Variants in PKHD1 observed in about 807,000 individuals in gnomAD.
The protein encoded by PKHD1 is fibrocystin.
A neutral mutation model predicts 412.0 loss-of-function variants in PKHD1; 291 were observed. The ratio of observed to expected loss-of-function variants is 0.71; its 90% CI spans 0.64 to 0.78. PKHD1 has a LOEUF of 0.78. PKHD1 is among the 30% of genes least tolerant of loss of function. The pLI is 0.00. For missense variants in PKHD1, 4,825 were observed against 4,950.7 expected (o/e 0.97, Z 0.76); for synonymous variants, 1,777 against 1,821.5 (o/e 0.98, Z 0.62).
intron 60 of PKHD1, among the ~76,000 whole-genome samples, chr6:51,686,542 T>C (rs1364198209): frequency 6.6e-6 from 1 of 152,162 alleles, no homozygotes; most frequent in Non-Finnish European, 1.5e-5. Context: ...AGCATTCTTT[T>C]TGCTTTCTAT....
chr6:51,756,477 A>G (rs1787030289), intron 55 of PKHD1, among the ~76,000 whole-genome samples: 1 of 152,184 alleles, frequency 6.6e-6, no homozygotes, highest in South Asian at 2.1e-4. Flanking sequence ...GAGTATTCCC[A>G]CTTTTCATAA....
At position 52,053,123 on chromosome 6, in the gene PKHD1, C is replaced by T. The variant is rs199858063; in HGVS notation, c.2093G>A (p.Gly698Asp). The stretch of plus-strand genomic sequence containing the variant: ...AATAATTTCATCCACATAGAACAGG[C>T]CCGTCTCCTGGGCCAGAGGGAGAAG... ...INLLPLAQET[G>D]LFYVDEIIIA... The change falls in exon 21 of 67, where the codon GGC (glycine) becomes GAC (aspartate). Residue 698 changes from glycine to aspartate, a missense_variant. Physicochemically the swap from Gly to Asp is moderately conservative, Grantham distance 94. Coordinates refer to ENST00000371117, the MANE Select transcript of PKHD1 (RefSeq NM_138694.4). 1.4e-4 allele frequency: 223 copies of T among 1,614,012 alleles called. No homozygotes were observed. The highest frequency in any genetic ancestry group is 1.8e-4 in the Non-Finnish European group (209 of 1,179,986).
chr6:51,972,681 A>C (rs962398282), intron 35 of PKHD1, among the ~76,000 whole-genome samples: 2 of 152,194 alleles, frequency 1.3e-5, no homozygotes, highest in Non-Finnish European at 2.9e-5. Flanking sequence ...GGCATAATTG[A>C]ATTTCTAAGC....
intron 53 of PKHD1, among the ~76,000 whole-genome samples, chr6:51,788,464 G>T (rs1454028097): frequency 1.3e-5 from 2 of 148,328 alleles, no homozygotes; most frequent in Non-Finnish European, 2.9e-5. Flanking sequence ...ACTTCCAGTC[G>T]GATGTGGCCA....
chr6:51,856,240 GAAA>G (rs1332982942), intron 48 of PKHD1, among the ~76,000 whole-genome samples, 170 bp from the exon 49 acceptor site: 2 of 152,212 alleles, frequency 1.3e-5, no homozygotes, highest in African/African-American at 4.8e-5. Context: ...CTGTGTGAGT[GAAA>G]ACAACCCAGT....
intron 35 of PKHD1, among the ~76,000 whole-genome samples, chr6:51,979,083 C>A (rs772024169): frequency 1.6e-4 from 24 of 152,182 alleles, no homozygotes; most frequent in Non-Finnish European, 1.8e-4. Context: ...TAATCCCCAG[C>A]GTCCAATAGG....
At position 51,747,777 on chromosome 6, in the gene PKHD1, A is replaced by C. The variant is rs143526199; in HGVS notation, c.9829+10T>G. On this transcript the variant is annotated intron_variant, in intron 58 of 66. Coordinates refer to ENST00000371117, the MANE Select transcript of PKHD1 (RefSeq NM_138694.4). ...AAATGGCACTGCCTAGATAAAATAA[A>C]ACATCCTACCTTGAAGTTTCATGAT... The C allele has an allele frequency of 9.4e-4, 1,516 of 1,611,812 alleles. 10 individuals carry two copies. In the African/African-American group the frequency reaches 0.017, roughly 18 times the overall value.
chr6:51,713,861 A>G (rs1299768304), intron 60 of PKHD1, among the ~76,000 whole-genome samples: 1 of 152,182 alleles, frequency 6.6e-6, no homozygotes, highest in African/African-American at 2.4e-5. Flanking sequence ...TTGGCCAGGT[A>G]TCTTTGCTCA....
intron 43 of PKHD1, among the ~76,000 whole-genome samples, chr6:51,890,477 G>C (rs192508936): frequency 6.6e-6 from 1 of 151,972 alleles, no homozygotes; most frequent in Non-Finnish European, 1.5e-5. Flanking sequence ...ATTCACGCAA[G>C]GGAAATTCCA....
intron 52 of PKHD1, among the ~76,000 whole-genome samples, chr6:51,792,560 C>T (rs1424077170): frequency 6.6e-6 from 1 of 152,222 alleles, no homozygotes; most frequent in African/African-American, 2.4e-5. Flanking sequence ...CCTAAGTTCA[C>T]AGTTAGACTA....
chr6:51,811,262 C>T (rs1466396627), intron 52 of PKHD1, among the ~76,000 whole-genome samples: 1 of 152,022 alleles, frequency 6.6e-6, no homozygotes, highest in Non-Finnish European at 1.5e-5. Flanking sequence ...GATCAACTGA[C>T]CTGAAAAAAT....
intron 46 of PKHD1, among the ~76,000 whole-genome samples, chr6:51,881,386 C>T (rs1777320370): frequency 6.6e-6 from 1 of 152,120 alleles, no homozygotes; most frequent in Admixed American, 6.6e-5. Flanking sequence ...AATTCCCTGA[C>T]ACAATACAAT....
chr6:51,761,824 G>A (rs1048748092), intron 55 of PKHD1, among the ~76,000 whole-genome samples: 1 of 138,590 alleles, frequency 7.2e-6, no homozygotes, highest in Admixed American at 8.0e-5. Context: ...AATTCAATGA[G>A]ATAAGAAATG....
chr6:51,892,960 C>T lies in PKHD1; in HGVS notation c.6997-5715G>A, dbSNP rs1415343980. 1.3e-5 allele frequency among the ~76,000 whole-genome samples: 2 copies of T among 152,138 alleles called. 1 individual carries two copies. The highest frequency in any genetic ancestry group is 4.8e-5 in the African/African-American group (2 of 41,434). ...ATACCACAGCTGTTGTTCTCAGTCA[C>T]GATTACACAACACAAACTTTCCCCA... On this transcript the variant is annotated intron_variant, in intron 43 of 66. Coordinates refer to ENST00000371117, the MANE Select transcript of PKHD1 (RefSeq NM_138694.4).
intron 36 of PKHD1, among the ~76,000 whole-genome samples, chr6:51,958,828 C>CACAT (rs1561986933): frequency 1.3e-5 from 2 of 151,658 alleles, no homozygotes; most frequent in Admixed American, 6.6e-5. Flanking sequence ...CACACACACA[C>CACAT]ACACACACAC....
chr6:52,031,283 A>T (rs1307383220), intron 29 of PKHD1, among the ~76,000 whole-genome samples: 1 of 152,210 alleles, frequency 6.6e-6, no homozygotes, highest in Admixed American at 6.5e-5. Flanking sequence ...GAGTCTCTAC[A>T]TAAAGAACTG....
At chr6:51,957,832 A>G (rs1157399532) in intron 36 of PKHD1, among the ~76,000 whole-genome samples, 2 of 152,060 alleles carry the variant, frequency 1.3e-5, no homozygotes, top group Non-Finnish European at 2.9e-5. Flanking sequence ...ATCTTACACA[A>G]CTGACACCAA....
In PKHD1 at chr6:52,079,904, A is replaced by G; in HGVS notation, c.386T>C (p.Phe129Ser). ...TCCTCCAGCCTTAGAACCCACCTTGAAAGTACAGCTATCTCGTGGTCCTGG... is the reference window on the plus strand; with the variant it reads ...TCCTCCAGCCTTAGAACCCACCTTGGAAGTACAGCTATCTCGTGGTCCTGG... ...PNPGPRDSCT[F>S]KFSKAQTPIV... The change falls in exon 5 of 67, where the codon TTC becomes TCC. Residue 129 changes from phenylalanine to serine, a missense_variant. Transcript: ENST00000371117. The G allele has an allele frequency of 6.4e-7, 1 of 1,567,048 alleles. No individual in the cohort carries two copies. The highest frequency in any genetic ancestry group is 8.8e-7 in the Non-Finnish European group (1 of 1,137,134).
At chr6:51,663,118 C>T (rs749006869) in intron 60 of PKHD1, among the ~76,000 whole-genome samples, 1 of 151,976 alleles carries the variant, frequency 6.6e-6, no homozygotes, top group Non-Finnish European at 1.5e-5. Flanking sequence ...CCTGATGCAC[C>T]AATCTCTACT....
Sources: gnomAD v4.1 joint callset for allele counts (sites outside exome capture counted in the v4.1 genomes callset) on GRCh38, gnomAD v4.1.1 for gene constraint, MANE v1.5 for transcripts, NCBI Gene and HGNC (gene_info 2026-07-23, HGNC 2026-07-21) for gene names.